The following PITPNB variants were observed in gnomAD, a reference collection of about 807,000 sequenced individuals.
PITPNB encodes phosphatidylinositol transfer protein beta.
Under a neutral mutation model 45.9 loss-of-function variants are expected in PITPNB, and 16 were observed. That is an observed-to-expected ratio of 0.35 (90% CI 0.24 to 0.53). The LOEUF (loss-of-function observed/expected upper bound fraction) is 0.53, where lower values mean the gene tolerates loss of function less well. Among genes scored for constraint, PITPNB ranks in the 20% least tolerant of loss-of-function variants. The pLI, the probability that PITPNB is intolerant of heterozygous loss-of-function variation, is 0.93. For missense variants in PITPNB, 188 were observed against 330.5 expected (o/e 0.57, Z 3.34); for synonymous variants, 112 against 108.9 (o/e 1.03, Z -0.18).
chr22:27,918,000 A>G (rs2345019), intron 1 of PITPNB, among the ~76,000 whole-genome samples: 15,352 of 152,238 alleles, frequency 0.1, 833 homozygotes, highest in Middle Eastern at 0.2. Context: ...GAACAAAAGC[A>G]GGTGGAAAGG....
chr22:27,880,385 C>A (rs1265985838), intron 7 of PITPNB, among the ~76,000 whole-genome samples: 2 of 152,164 alleles, frequency 1.3e-5, no homozygotes, highest in African/African-American at 2.4e-5. Flanking sequence ...TGACTTGGAG[C>A]TGTTTATGCT....
chr22:27,882,451 CTG>C (rs1935000488), intron 7 of PITPNB, among the ~76,000 whole-genome samples: 1 of 152,210 alleles, frequency 6.6e-6, no homozygotes. Context: ...AAACAGGACA[CTG>C]TTCTTACTAC....
intron 3 of PITPNB, 100 bp from the exon 4 acceptor site, chr22:27,897,992 G>T (rs738451): frequency 3.9e-6 from 3 of 777,120 alleles, no homozygotes; most frequent in African/African-American, 1.7e-5. Context: ...AAGGTGACCA[G>T]GTTCTAAGTC....
Position 27,894,653 on chromosome 22 carries a change from G to A in PITPNB, c.373-15C>T. On this transcript the variant is annotated splice_polypyrimidine_tract_variant and intron_variant, in intron 6 of 11. Coordinates refer to ENST00000335272, the MANE Select transcript of PITPNB (RefSeq NM_012399.5). ...AAACCATGTACCTACCAATGACAAAGAGAAAAGAAACAAAACAAACTGTAG... is the reference window on the plus strand; with the variant it reads ...AAACCATGTACCTACCAATGACAAAAAGAAAAGAAACAAAACAAACTGTAG... 1 of 1,494,452 alleles carries A rather than the reference G, an allele frequency of 6.7e-7. No individual in the cohort carries two copies. The highest frequency in any genetic ancestry group is 9.3e-7 in the Non-Finnish European group (1 of 1,074,744). 92.6% of individuals were successfully genotyped at this position (1,494,452 alleles called of 1,614,324 possible). A position where few individuals can be genotyped will look rare whatever the true frequency, so the allele number is the denominator to read the frequency against.
At chr22:27,883,168 T>C (rs373789936) in intron 7 of PITPNB, among the ~76,000 whole-genome samples, 3 of 152,338 alleles carry the variant, frequency 2.0e-5, no homozygotes, top group South Asian at 4.1e-4. Flanking sequence ...AGCTGCTGCC[T>C]GTTTCCTTCA....
chr22:27,900,925 G>C (rs1056909293), intron 3 of PITPNB, among the ~76,000 whole-genome samples: 14 of 152,268 alleles, frequency 9.2e-5, no homozygotes, highest in Non-Finnish European at 1.5e-4. Flanking sequence ...GCAGATTCCT[G>C]TTTTGGAAGC....
intron 7 of PITPNB, among the ~76,000 whole-genome samples, chr22:27,878,333 C>T (rs1671686578): frequency 2.0e-5 from 3 of 151,978 alleles, no homozygotes; most frequent in Admixed American, 2.0e-4. Flanking sequence ...CTAACTCAAG[C>T]TGACAAAATT....
chr22:27,909,925 G>T (rs534376328), intron 3 of PITPNB, among the ~76,000 whole-genome samples: 56 of 150,106 alleles, frequency 3.7e-4, no homozygotes, highest in Admixed American at 3.5e-3. Flanking sequence ...GACCATAAGC[G>T]TACACCACCA....
intron 7 of PITPNB, among the ~76,000 whole-genome samples, chr22:27,877,411 T>C (rs949158124): frequency 6.6e-5 from 10 of 152,198 alleles, no homozygotes; most frequent in African/African-American, 2.4e-4. Context: ...AAAGGCAGGA[T>C]AGCCTTCGGA....
At chr22:27,900,640 G>C (rs1009072844) in intron 3 of PITPNB, among the ~76,000 whole-genome samples, 3 of 151,984 alleles carry the variant, frequency 2.0e-5, no homozygotes, top group African/African-American at 7.3e-5. Context: ...GACTAAACGA[G>C]GAAAATGTGC....
chr22:27,906,210 C>T (rs528906739), intron 3 of PITPNB, among the ~76,000 whole-genome samples: 144 of 152,272 alleles, frequency 9.5e-4, no homozygotes, highest in Non-Finnish European at 1.7e-3. Flanking sequence ...CTGAAAAAAA[C>T]GCTCAGGGTG....
At chr22:27,917,809 G>A (rs1012246996) in intron 1 of PITPNB, among the ~76,000 whole-genome samples, 2 of 152,094 alleles carry the variant, frequency 1.3e-5, no homozygotes, top group African/African-American at 4.8e-5. Context: ...AAATTGTATT[G>A]GCATGTTGGA....
chr22:27,919,091 G>A (rs1386617020), intron 1 of PITPNB, 81 bp downstream of exon 1: 7 of 1,609,798 alleles, frequency 4.3e-6, no homozygotes, highest in Non-Finnish European at 6.0e-6. Flanking sequence ...TCCGATTTAG[G>A]AATATCCTAC....
intron 7 of PITPNB, among the ~76,000 whole-genome samples, chr22:27,880,627 T>G (rs1355445554): frequency 7.0e-6 from 1 of 142,602 alleles, no homozygotes; most frequent in East Asian, 2.0e-4. Context: ...TACACACCGA[T>G]TTTTTTTTTT....
intron 9 of PITPNB, among the ~76,000 whole-genome samples, chr22:27,859,427 G>C (rs566402754): frequency 6.6e-6 from 1 of 151,392 alleles, no homozygotes; most frequent in Non-Finnish European, 1.5e-5. Flanking sequence ...TATAATGAGG[G>C]CTTCTTTATA....
intron 7 of PITPNB, among the ~76,000 whole-genome samples, chr22:27,888,888 C>G (rs1028455903): frequency 4.6e-5 from 7 of 152,324 alleles, no homozygotes; most frequent in African/African-American, 1.4e-4. Context: ...CAAGTGGCAG[C>G]TCGAAGAGTG....
intron 7 of PITPNB, among the ~76,000 whole-genome samples, chr22:27,892,428 A>T (rs1935306924): frequency 6.6e-6 from 1 of 152,196 alleles, no homozygotes; most frequent in Admixed American, 6.5e-5. Context: ...TATGGACCAT[A>T]AGTCTGAGTC....
intron 8 of PITPNB, among the ~76,000 whole-genome samples, chr22:27,862,458 T>A (rs1328588571): frequency 6.6e-6 from 1 of 152,222 alleles, no homozygotes; most frequent in Non-Finnish European, 1.5e-5. Flanking sequence ...CATTTCATCT[T>A]CTGAAGAATA....
chr22:27,884,448 C>G (rs909856744), intron 7 of PITPNB, among the ~76,000 whole-genome samples: 5 of 152,222 alleles, frequency 3.3e-5, no homozygotes, highest in Admixed American at 6.5e-5. Context: ...AGGGACCCCT[C>G]CTACTCTGCA....
Sources: allele counts gnomAD v4.1 joint callset (sites outside exome capture counted in the v4.1 genomes callset), GRCh38; gene constraint gnomAD v4.1.1; transcripts MANE v1.5; gene names NCBI Gene and HGNC (gene_info 2026-07-23, HGNC 2026-07-21).